The following MBOAT2 variants were observed in gnomAD, a reference collection of about 807,000 sequenced individuals.
MBOAT2 encodes the protein membrane-bound glycerophospholipid O-acyltransferase 2.
Under a neutral mutation model 63.4 loss-of-function variants are expected in MBOAT2, and 28 were observed. That is an observed-to-expected ratio of 0.44 (90% confidence interval 0.33 to 0.61). MBOAT2 has a LOEUF of 0.61. Among genes scored for constraint, MBOAT2 ranks in the 20% least tolerant of loss-of-function variants. MBOAT2 has a pLI of 0.03. For synonymous variants in MBOAT2, 211 were observed against 215.6 expected (o/e 0.98, Z 0.19); for missense variants, 470 against 605.8 (o/e 0.78, Z 2.35).
At chr2:8,898,044 G>A (rs570863743) in intron 4 of MBOAT2, among the ~76,000 whole-genome samples, 2 of 152,302 alleles carry the variant, frequency 1.3e-5, no homozygotes, top group East Asian at 1.9e-4. Flanking sequence ...TAAACAGTGA[G>A]GCCAATCTTT....
intron 1 of MBOAT2, among the ~76,000 whole-genome samples, chr2:8,959,945 T>C (rs1023421965): frequency 4.6e-5 from 7 of 152,224 alleles, no homozygotes; most frequent in African/African-American, 1.7e-4. Flanking sequence ...TACATGTAGC[T>C]ATTTCCATAG....
intron 8 of MBOAT2, among the ~76,000 whole-genome samples, chr2:8,872,794 G>A (rs1662422132): frequency 6.6e-6 from 1 of 152,140 alleles, no homozygotes; most frequent in African/African-American, 2.4e-5. Context: ...TAACCATCTG[G>A]AGGATAAGAA....
At chr2:8,987,075 A>G (rs1443016721) in intron 1 of MBOAT2, among the ~76,000 whole-genome samples, 1 of 152,258 alleles carries the variant, frequency 6.6e-6, no homozygotes, top group African/African-American at 2.4e-5. Flanking sequence ...TTAGTCAATA[A>G]TAATTATCAA....
intron 1 of MBOAT2, among the ~76,000 whole-genome samples, chr2:8,959,019 G>A (rs190707119): frequency 4.7e-4 from 72 of 152,314 alleles, no homozygotes; most frequent in African/African-American, 1.5e-3. Flanking sequence ...TGTAACCCGT[G>A]AAAAAGAGGA....
chr2:8,983,844 G>C (rs949305497), intron 1 of MBOAT2, among the ~76,000 whole-genome samples: 1 of 152,018 alleles, frequency 6.6e-6, no homozygotes, highest in Non-Finnish European at 1.5e-5. Flanking sequence ...ATTGTACTTG[G>C]AACTTTTCTG....
At chr2:8,956,360 AG>A (rs2103270117) in intron 2 of MBOAT2, among the ~76,000 whole-genome samples, 1 of 152,322 alleles carries the variant, frequency 6.6e-6, no homozygotes, top group South Asian at 2.1e-4. Context: ...GAATACAGAA[AG>A]CTTTCTCCTT....
intron 3 of MBOAT2, among the ~76,000 whole-genome samples, chr2:8,909,472 G>C (rs906091665): frequency 6.6e-6 from 1 of 151,958 alleles, no homozygotes; most frequent in African/African-American, 2.4e-5. Context: ...AAATATACAA[G>C]TACAACAAAT....
In MBOAT2 at chr2:8,858,664, T is replaced by TC. The variant is rs2148502609; in HGVS notation, c.*14dup. On this transcript the variant is annotated 3_prime_UTR_variant, in exon 13 of 13. Transcript: ENST00000305997. The stretch of plus-strand genomic sequence containing the variant: ...TAACATCAAAAAAAAAAAACAGCCC[T>TC]CAGAGCCTTCCCGATCACTGCTTTA... The TC allele has an allele frequency of 1.9e-6, 3 of 1,562,718 alleles. No homozygotes were observed. The South Asian group carries it at 3.5e-5, about 18-fold the overall frequency.
chr2:8,949,438 T>C (rs1191246345), intron 2 of MBOAT2, among the ~76,000 whole-genome samples: 1 of 152,094 alleles, frequency 6.6e-6, no homozygotes, highest in Admixed American at 6.5e-5. Context: ...ATGATGTTCC[T>C]TGCTTTTTTT....
At chr2:8,896,300 C>T (rs573157206) in intron 4 of MBOAT2, among the ~76,000 whole-genome samples, 187 of 151,904 alleles carry the variant, frequency 1.2e-3, no homozygotes, top group Non-Finnish European at 2.1e-3. Flanking sequence ...AGCCTTTTCC[C>T]GTAAAGGCCG....
intron 4 of MBOAT2, among the ~76,000 whole-genome samples, chr2:8,901,186 C>T (rs925381632): frequency 1.3e-5 from 2 of 151,502 alleles, no homozygotes; most frequent in Admixed American, 6.6e-5. Flanking sequence ...GGAATAGTTG[C>T]GCTCACCGAT....
chr2:8,972,147 A>C (rs1398061122), intron 1 of MBOAT2, among the ~76,000 whole-genome samples: 2 of 152,242 alleles, frequency 1.3e-5, no homozygotes, highest in African/African-American at 4.8e-5. Flanking sequence ...CCAAAACAGC[A>C]TAGTACTGGT....
Position 8,862,425 on chromosome 2 carries a change from G to C in MBOAT2, c.1185+165C>G. ...CTGGGCATGGAGCCTAGCCCGTGGT[G>C]AGCGCTCAGCAAACATGCACGCAGT... On this transcript the variant is annotated intron_variant, in intron 11 of 12. Transcript: ENST00000305997. This position sits in a 1 kb window ranked among gnomAD's most constrained non-coding sequence, Gnocchi z 4.3. 7.6e-7 allele frequency: 1 copy of C among 1,318,518 alleles called. No individual in the cohort carries two copies. The highest frequency in any genetic ancestry group is 1.0e-6 in the Non-Finnish European group (1 of 969,818). 81.7% of individuals were successfully genotyped at this position (1,318,518 alleles called of 1,614,324 possible).
chr2:8,915,421 A>G (rs997093388), intron 3 of MBOAT2, among the ~76,000 whole-genome samples: 1 of 152,146 alleles, frequency 6.6e-6, no homozygotes, highest in Non-Finnish European at 1.5e-5. Context: ...TGAGGTAATC[A>G]GCTGAGAGTC....
chr2:8,947,495 T>C (rs1375863768), intron 2 of MBOAT2, among the ~76,000 whole-genome samples: 1 of 152,150 alleles, frequency 6.6e-6, no homozygotes, highest in Admixed American at 6.5e-5. Context: ...AGAACTTTCA[T>C]AGCTAGAGAG....
At chr2:8,889,937 T>G (rs1000797308) in intron 4 of MBOAT2, among the ~76,000 whole-genome samples, 1 of 152,138 alleles carries the variant, frequency 6.6e-6, no homozygotes, top group Non-Finnish European at 1.5e-5. Context: ...GAAAGTAAGC[T>G]GCGCTGGGAG....
chr2:8,931,684 G>A (rs1017694026), intron 3 of MBOAT2, among the ~76,000 whole-genome samples: 2 of 152,142 alleles, frequency 1.3e-5, no homozygotes, highest in African/African-American at 4.8e-5. Flanking sequence ...TAATGGTACT[G>A]CCTAGATTTT....
intron 1 of MBOAT2, among the ~76,000 whole-genome samples, chr2:8,960,893 T>A (rs1669556589): frequency 6.6e-6 from 1 of 152,156 alleles, no homozygotes; most frequent in Non-Finnish European, 1.5e-5. Flanking sequence ...AAGGGCATTG[T>A]AAGGAAGAAA....
chr2:8,873,268 C>A lies in MBOAT2; in HGVS notation c.723G>T (p.Gly241=). Residue 241 remains glycine (G), a synonymous_variant, in exon 8 of 13, where the codon GGG becomes GGT. Coordinates refer to ENST00000305997, the MANE Select transcript of MBOAT2 (RefSeq NM_138799.4). ...TGGTCAAGTGAAATAACAAGGACAGCCCACAAACTAAGAGCTTCTGAACAA... is the reference window on the plus strand; with the variant it reads ...TGGTCAAGTGAAATAACAAGGACAGACCACAAACTAAGAGCTTCTGAACAA... ...TAVVQKLLVC[G]LSLLFHLTIC... 1 of 1,613,912 alleles carries A rather than the reference C, an allele frequency of 6.2e-7. No individual in the cohort carries two copies. The highest frequency in any genetic ancestry group is 8.5e-7 in the Non-Finnish European group (1 of 1,179,868).
Sources: allele counts gnomAD v4.1 joint callset (sites outside exome capture counted in the v4.1 genomes callset), GRCh38; gene constraint gnomAD v4.1.1; non-coding constraint Gnocchi (gnomAD v3.1); transcripts MANE v1.5; gene names NCBI Gene and HGNC (gene_info 2026-07-23, HGNC 2026-07-21).